Variants in TLCD4 observed in about 807,000 individuals in gnomAD.
TLCD4 encodes the protein TLC domain containing 4, also known as TLC domain-containing protein 4.
In TLCD4, 7 loss-of-function variants were observed where a neutral mutation model predicts 24.2. That is an observed-to-expected ratio of 0.29 (90% CI 0.16 to 0.54). TLCD4 has a LOEUF of 0.54. Among genes scored for constraint, TLCD4 ranks in the 20% least tolerant of loss-of-function variants. The pLI, the probability that TLCD4 is intolerant of heterozygous loss-of-function variation, is 0.95. For missense variants in TLCD4, 259 were observed against 313.9 expected (o/e 0.82, Z 1.32); for synonymous variants, 103 against 106.4 (o/e 0.97, Z 0.20).
At chr1:95,105,893 T>TCAAAGAAAAAAAAAAAA in the TLCD4 span, among the ~76,000 whole-genome samples, 1 of 102,864 alleles carries the variant, frequency 9.7e-6, no homozygotes, top group Non-Finnish European at 2.1e-5. Context: ...AGACTCCGTC[T>TCAAAGAAAAAAAAAAAA]TAAAAAAAAA....
chr1:95,181,744 C>A (rs1462480975), intron 6 of TLCD4, among the ~76,000 whole-genome samples: 1 of 151,942 alleles, frequency 6.6e-6, no homozygotes, highest in African/African-American at 2.4e-5. Flanking sequence ...ATTACTACTA[C>A]TCCCTGAGTA....
At chr1:95,170,416 G>T (rs1297364323) in intron 5 of TLCD4, among the ~76,000 whole-genome samples, 1 of 144,786 alleles carries the variant, frequency 6.9e-6, no homozygotes, top group East Asian at 2.1e-4. Context: ...TGCAAGCTCC[G>T]CCTCCCAGGT....
chr1:95,103,745 T>C, the TLCD4 span, among the ~76,000 whole-genome samples: 1 of 152,220 alleles, frequency 6.6e-6, no homozygotes, highest in African/African-American at 2.4e-5. Context: ...TTGGTTATGG[T>C]TTTTTATTTC....
At chr1:95,105,563 T>A in the TLCD4 span, among the ~76,000 whole-genome samples, 4 of 152,172 alleles carry the variant, frequency 2.6e-5, no homozygotes, top group African/African-American at 9.7e-5. Context: ...AAATATTTAT[T>A]TATTTTTATT....
At chr1:95,125,547 C>T (rs1422828832) in intron 1 of TLCD4, 2 of 151,992 alleles carry the variant, frequency 1.3e-5, no homozygotes, top group Non-Finnish European at 2.9e-5. Flanking sequence ...AAGAGTAGAT[C>T]AAGGAGTTCC....
In TLCD4 at chr1:95,173,841, G is replaced by C; in HGVS notation, c.425G>C (p.Gly142Ala). The C allele has an allele frequency of 6.2e-7, 1 of 1,614,068 alleles. No individual in the cohort carries two copies. The change falls in exon 6 of 7, where the codon GGG (glycine) becomes GCG (alanine). Residue 142 changes from glycine to alanine, a missense_variant. Transcript: ENST00000370203. ...AAAAATGGAGTGCTGGCATACATTG[G>C]GAATTTTCGCCTGCTTGCAGAGCTT... The part of the protein sequence containing the change: ...VLKNGVLAYI[G>A]NFRLLAELSS...
intron 1 of TLCD4, among the ~76,000 whole-genome samples, chr1:95,141,926 G>A (rs1677209380): frequency 6.6e-6 from 1 of 152,102 alleles, no homozygotes; most frequent in Non-Finnish European, 1.5e-5. Flanking sequence ...CTGGTTGGAA[G>A]GGAATGAAGT....
At chr1:95,155,531 TGAATA>T (rs1029297603) in intron 5 of TLCD4, among the ~76,000 whole-genome samples, 2 of 152,166 alleles carry the variant, frequency 1.3e-5, no homozygotes, top group African/African-American at 2.4e-5. Flanking sequence ...TAGGTTTTCT[TGAATA>T]GGAGAGAAAA....
In TLCD4 at chr1:95,192,719, G is replaced by A. The variant is rs1392812378; in HGVS notation, c.*851G>A. The A allele has an allele frequency of 1.3e-5, 2 of 152,140 alleles. No homozygotes were observed. The highest frequency in any genetic ancestry group is 2.4e-5 in the African/African-American group (1 of 41,440). 9.4% of individuals were successfully genotyped at this position (152,140 alleles called of 1,614,324 possible). On this transcript the variant is annotated 3_prime_UTR_variant, in exon 7 of 7. Coordinates refer to ENST00000370203, the MANE Select transcript of TLCD4 (RefSeq NM_152487.3). ...TTCAGACATGCAATCACCTATTAAT[G>A]ATGAAATATTTTACCACTTTGGGAA... is the stretch of plus-strand genomic sequence containing the variant.
intron 5 of TLCD4, among the ~76,000 whole-genome samples, chr1:95,156,664 T>C (rs569400468): frequency 7.2e-5 from 11 of 152,276 alleles, no homozygotes; most frequent in African/African-American, 2.6e-4. Flanking sequence ...GTGGTGGTTA[T>C]ATTAATGAGG....
At chr1:95,120,528 A>G (rs1223542182) in intron 1 of TLCD4, among the ~76,000 whole-genome samples, 5 of 152,224 alleles carry the variant, frequency 3.3e-5, no homozygotes, top group Non-Finnish European at 7.3e-5. Context: ...GGAGAAGGCA[A>G]TGGATATATA....
In TLCD4 at chr1:95,191,575, C is replaced by T. The variant is rs771361041; in HGVS notation, c.499C>T (p.Pro167Ser). The T allele has an allele frequency of 6.2e-7, 1 of 1,612,834 alleles. No homozygotes were observed. The highest frequency in any genetic ancestry group is 8.5e-7 in the Non-Finnish European group (1 of 1,179,458). Residue 167 changes from proline (P) to serine (S), a missense_variant, in exon 7 of 7, where the codon CCC becomes TCC. Pro to Ser is a moderately conservative substitution (Grantham distance 74, BLOSUM62 -1). Coordinates refer to ENST00000370203, the MANE Select transcript of TLCD4 (RefSeq NM_152487.3). ...GTGGTTCTTTGAAGCTCTGAAGTAT[C>T]CCAAGTTTTCTAAAGCTATCGTTAT... ...QRWFFEALKY[P>S]KFSKAIVING...
chr1:95,129,986 T>C (rs1044618354), intron 1 of TLCD4, among the ~76,000 whole-genome samples: 3 of 152,212 alleles, frequency 2.0e-5, no homozygotes, highest in South Asian at 4.1e-4. Context: ...ATTATCCTCC[T>C]AAGTCTTTTT....
intron 1 of TLCD4, among the ~76,000 whole-genome samples, chr1:95,142,035 A>C (rs1043725751): frequency 6.6e-6 from 1 of 151,098 alleles, no homozygotes; most frequent in African/African-American, 2.4e-5. Flanking sequence ...GGAAATGTGT[A>C]TTGATTTATT....
the TLCD4 span, among the ~76,000 whole-genome samples, chr1:95,109,956 T>C: frequency 0.43 from 38,019 of 89,236 alleles, 8,084 homozygotes; most frequent in Middle Eastern, 0.54. Flanking sequence ...TATATATATA[T>C]ATACACACAC....
chr1:95,133,072 G>A (rs1445209996), intron 1 of TLCD4, among the ~76,000 whole-genome samples: 1 of 152,084 alleles, frequency 6.6e-6, no homozygotes, highest in African/African-American at 2.4e-5. Flanking sequence ...GAGAGAGAGC[G>A]CAAGTGTAAA....
chr1:95,139,218 C>T (rs1398154844), intron 1 of TLCD4, among the ~76,000 whole-genome samples: 4 of 149,988 alleles, frequency 2.7e-5, no homozygotes, highest in African/African-American at 7.3e-5. Context: ...GTTACACCAC[C>T]TCTGTGGAGC....
At chr1:95,132,573 G>A (rs1676927827) in intron 1 of TLCD4, among the ~76,000 whole-genome samples, 1 of 152,102 alleles carries the variant, frequency 6.6e-6, no homozygotes, top group African/African-American at 2.4e-5. Context: ...AGGACCAAGT[G>A]TAGGGGTCAG....
the TLCD4 span, among the ~76,000 whole-genome samples, chr1:95,107,216 G>A: frequency 6.6e-6 from 1 of 152,206 alleles, no homozygotes; most frequent in East Asian, 1.9e-4. Flanking sequence ...GAGGTCAGGA[G>A]ATCGAGACCA....
Sources: allele counts gnomAD v4.1 joint callset (sites outside exome capture counted in the v4.1 genomes callset), GRCh38; gene constraint gnomAD v4.1.1; transcripts MANE v1.5; gene names NCBI Gene and HGNC (gene_info 2026-07-23, HGNC 2026-07-21).